Variants in FBXW4 observed in about 807,000 individuals in gnomAD.
FBXW4 encodes the protein F-box/WD repeat-containing protein 4.
FBXW4 carries 40 observed loss-of-function variants against 61.8 expected under a neutral mutation model. That is an observed-to-expected ratio of 0.65 (90% CI 0.50 to 0.84). The LOEUF is 0.84. FBXW4 is among the 40% of genes least tolerant of loss of function. The pLI is 0.00. For synonymous variants in FBXW4, 311 were observed against 313.8 expected, an observed-to-expected ratio of 0.99 and a Z score of 0.10; for missense variants, 672 against 753.8, an observed-to-expected ratio of 0.89 and a Z score of 1.27.
intron 5 of FBXW4, among the ~76,000 whole-genome samples, chr10:101,628,288 T>C (rs1039415949): frequency 6.6e-6 from 1 of 152,220 alleles, no homozygotes; most frequent in Non-Finnish European, 1.5e-5. Context: ...CTCAGGGGTA[T>C]TCCAGGGACA....
chr10:101,674,069 C>T (rs530934540), intron 2 of FBXW4, among the ~76,000 whole-genome samples: 1 of 152,290 alleles, frequency 6.6e-6, no homozygotes, highest in Admixed American at 6.5e-5. Flanking sequence ...GTGGCTCACA[C>T]CTGTAATCCT....
At chr10:101,612,541 C>A in intron 6 of FBXW4, 64 bp from the exon 7 acceptor site, 1 of 1,406,096 alleles carries the variant, frequency 7.1e-7, no homozygotes, top group Admixed American at 2.4e-5. Flanking sequence ...GTTCCACCTT[C>A]AGAAGGCATC....
rs200903069 is a variant in FBXW4 at position 101,672,906 on chromosome 10, C to T, written c.1140+9G>A. On this transcript the variant is annotated intron_variant, in intron 4 of 8. Transcript: ENST00000331272. ...GGAGTAATAGTATGTAAGGGGGAGACCACCTCACCTTGGCCGTCCTGTCCC... is the reference window on the plus strand; with the variant it reads ...GGAGTAATAGTATGTAAGGGGGAGATCACCTCACCTTGGCCGTCCTGTCCC... 50 of 1,613,922 alleles carry T rather than the reference C, an allele frequency of 3.1e-5. No homozygotes were observed. In the African/African-American group the frequency reaches 5.9e-4, roughly 19 times the overall value.
chr10:101,632,011 C>T (rs1461190474), intron 5 of FBXW4, among the ~76,000 whole-genome samples: 1 of 152,152 alleles, frequency 6.6e-6, no homozygotes, highest in Non-Finnish European at 1.5e-5. Context: ...TGAAGGTGAG[C>T]GACCTGGTAC....
intron 1 of FBXW4, among the ~76,000 whole-genome samples, chr10:101,689,641 A>T (rs545989656): frequency 6.6e-6 from 1 of 152,364 alleles, no homozygotes; most frequent in Non-Finnish European, 1.5e-5. Flanking sequence ...TCTGAAGATC[A>T]CAGTTTAGGC....
chr10:101,674,291 T>C lies in FBXW4; in HGVS notation c.822-618A>G, dbSNP rs569314378. Among the ~76,000 whole-genome samples, 25 of 149,076 alleles carry C rather than the reference T, an allele frequency of 1.7e-4. No individual in the cohort carries two copies. In the South Asian group the frequency reaches 5.3e-3, roughly 32 times the overall value. ...TTGCAGTGAGCCGAGATCGCACCAC[T>C]GCACTCCAGCCTGGGCGACAGAGGG... On this transcript the variant is annotated intron_variant, in intron 2 of 8. Coordinates refer to ENST00000331272, the MANE Select transcript of FBXW4 (RefSeq NM_022039.4).
intron 6 of FBXW4, chr10:101,613,223 C>T (rs2134797300): frequency 6.6e-6 from 1 of 152,404 alleles, no homozygotes; most frequent in East Asian, 1.9e-4. Context: ...CCCTCCGTGA[C>T]CGCGGCAGTG....
chr10:101,663,866 C>T (rs562338102), intron 5 of FBXW4, among the ~76,000 whole-genome samples: 1 of 152,208 alleles, frequency 6.6e-6, no homozygotes, highest in African/African-American at 2.4e-5. Flanking sequence ...GGTGAGACCT[C>T]CTCTACAGGA....
intron 5 of FBXW4, among the ~76,000 whole-genome samples, chr10:101,648,172 C>T (rs929188994): frequency 3.3e-5 from 5 of 152,048 alleles, no homozygotes; most frequent in Admixed American, 3.3e-4. Flanking sequence ...CTGTTTTTAT[C>T]CTGTATATTT....
intron 5 of FBXW4, among the ~76,000 whole-genome samples, chr10:101,651,082 T>C (rs527477459): frequency 6.6e-6 from 1 of 152,272 alleles, no homozygotes; most frequent in African/African-American, 2.4e-5. Flanking sequence ...CATGCGCCTC[T>C]GCACATTCCT....
At chr10:101,664,787 T>A (rs1050088450) in intron 5 of FBXW4, among the ~76,000 whole-genome samples, 1 of 152,200 alleles carries the variant, frequency 6.6e-6, no homozygotes, top group African/African-American at 2.4e-5. Flanking sequence ...CAGGAGTTCA[T>A]AATCAGCATG....
intron 4 of FBXW4, among the ~76,000 whole-genome samples, chr10:101,670,378 A>C (rs2064347966): frequency 6.6e-6 from 1 of 152,248 alleles, no homozygotes; most frequent in Admixed American, 6.5e-5. Context: ...TCAGGGTTAT[A>C]GTGTGGAAAA....
chr10:101,690,457 G>T lies in FBXW4; in HGVS notation c.725+3924C>A, dbSNP rs937433584. On this transcript the variant is annotated intron_variant, in intron 1 of 8. Coordinates refer to ENST00000331272, the MANE Select transcript of FBXW4 (RefSeq NM_022039.4). ...GATGACTGACTCCAACTATCTTTGT[G>T]TCCCTTTAAAAAAAAAAGAAAAGTA... 4.9e-4 allele frequency among the ~76,000 whole-genome samples: 75 copies of T among 151,852 alleles called. 1 individual carries two copies. Among genetic ancestry groups the T allele is most frequent in the Non-Finnish European group, 8.4e-4 (57 of 67,988 alleles).
intron 5 of FBXW4, among the ~76,000 whole-genome samples, chr10:101,647,354 G>T (rs2134854091): frequency 6.6e-6 from 1 of 152,290 alleles, no homozygotes; most frequent in African/African-American, 2.4e-5. Context: ...GAGATGAGGG[G>T]AGGAACTACT....
chr10:101,629,073 A>T (rs1213982039), intron 5 of FBXW4, among the ~76,000 whole-genome samples: 1 of 152,216 alleles, frequency 6.6e-6, no homozygotes, highest in African/African-American at 2.4e-5. Context: ...AAAAATAACA[A>T]GACATAGAAA....
intron 5 of FBXW4, among the ~76,000 whole-genome samples, chr10:101,655,232 G>A (rs1033680701): frequency 2.6e-5 from 4 of 152,140 alleles, no homozygotes; most frequent in Non-Finnish European, 5.9e-5. Flanking sequence ...TGTGTCAAAA[G>A]GTTTTCATGT....
chr10:101,611,680 G>A lies in FBXW4; in HGVS notation c.1532C>T (p.Ser511Phe). 3.7e-6 allele frequency: 6 copies of A among 1,614,206 alleles called. No individual in the cohort carries two copies. The highest frequency in any genetic ancestry group is 2.2e-5 in the East Asian group (1 of 44,872). The change falls in exon 8 of 9, where the codon TCC becomes TTC. Residue 511 changes from serine to phenylalanine, a missense_variant. By Grantham distance (155) the Ser-to-Phe change is radical (BLOSUM62 -2). Around this residue, in one of 5 missense-constraint regions of FBXW4, gnomAD observed 312 missense variants for 370.1 expected, o/e 0.84. Coordinates refer to ENST00000331272, the MANE Select transcript of FBXW4 (RefSeq NM_022039.4). This position sits in a 1 kb window ranked among gnomAD's most constrained non-coding sequence, Gnocchi z 4.9. Reference protein sequence around the residue: ...DGNHLLATGSSYYGVVRLWDR... With the variant: ...DGNHLLATGSFYYGVVRLWDR... ...CCACAGCCGTACAACACCGTAGTAG[G>A]AGGAACCTGTGGCCAGCAGGTGGTT...
chr10:101,649,568 GT>G (rs1392467624), intron 5 of FBXW4, among the ~76,000 whole-genome samples: 8 of 152,252 alleles, frequency 5.3e-5, no homozygotes, highest in Admixed American at 3.9e-4. Context: ...CTGAAACAGA[GT>G]GACCCAAAGC....
At chr10:101,676,214 T>C in intron 2 of FBXW4, 127 bp downstream of exon 2, 1 of 592,512 alleles carries the variant, frequency 1.7e-6, no homozygotes, top group Non-Finnish European at 2.9e-6. Context: ...CTTTGTGTTA[T>C]TCAAAGGCTC....
Sources: allele counts gnomAD v4.1 joint callset (sites outside exome capture counted in the v4.1 genomes callset), GRCh38; gene constraint gnomAD v4.1.1; regional missense constraint gnomAD v4.1.1; non-coding constraint Gnocchi (gnomAD v3.1); transcripts MANE v1.5; gene names NCBI Gene and HGNC (gene_info 2026-07-23, HGNC 2026-07-21).